DPP10: variants seen among roughly 807,000 people sequenced by gnomAD.
DPP10 encodes dipeptidyl peptidase like 10.
Under a neutral mutation model 120.9 loss-of-function variants are expected in DPP10, and 33 were observed. The observed-to-expected ratio is 0.27, with a 90% confidence interval of 0.21 to 0.37. The LOEUF is 0.37. Ranked by LOEUF, DPP10 falls within the 10% of genes least tolerant of loss-of-function variation. The pLI is 1.00. For synonymous variants in DPP10, 337 were observed against 326.1 expected (o/e 1.03, Z -0.36); for missense variants, 816 against 942.8 (o/e 0.87, Z 1.76).
chr2:115,610,778 C>T (rs2084043964), intron 5 of DPP10, among the ~76,000 whole-genome samples: 1 of 152,086 alleles, frequency 6.6e-6, no homozygotes, highest in Non-Finnish European at 1.5e-5. Flanking sequence ...TCTCCAGTAC[C>T]ACTACCTTGG....
At chr2:115,050,953 T>C (rs1425548671) in intron 1 of DPP10, among the ~76,000 whole-genome samples, 1 of 152,196 alleles carries the variant, frequency 6.6e-6, no homozygotes, top group African/African-American at 2.4e-5. Context: ...CTTTATGATA[T>C]TAATTCAGAA....
intron 3 of DPP10, among the ~76,000 whole-genome samples, chr2:115,491,444 C>G (rs1367361698): frequency 6.6e-6 from 1 of 152,090 alleles, no homozygotes; most frequent in South Asian, 2.1e-4. Flanking sequence ...CTTTCTCTTA[C>G]AGACTGTGAG....
At chr2:115,253,603 C>T (rs2058845959) in intron 1 of DPP10, among the ~76,000 whole-genome samples, 1 of 152,142 alleles carries the variant, frequency 6.6e-6, no homozygotes, top group Non-Finnish European at 1.5e-5. Flanking sequence ...AAGAAAGGGG[C>T]CCTAGGTCCC....
rs527963991 is a variant in DPP10, at chr2:115,144,035, G to GTACA, written c.61-165203_61-165200dup. 8.1e-4 allele frequency: 124 copies of GTACA among 152,280 alleles called. 1 individual carries two copies. The highest frequency in any genetic ancestry group is 2.9e-3 in the African/African-American group (119 of 41,552). 9.4% of individuals were successfully genotyped at this position (152,280 alleles called of 1,614,324 possible). On this transcript the variant is annotated intron_variant, in intron 1 of 25. Transcript: ENST00000410059. ...TATATCGGATAATCATAAGGGCTGT[G>GTACA]TACACCATAGGATGGAATTCACTTG...
At chr2:115,492,323 G>A (rs922682388) in intron 3 of DPP10, among the ~76,000 whole-genome samples, 5 of 152,160 alleles carry the variant, frequency 3.3e-5, no homozygotes, top group Non-Finnish European at 7.4e-5. Flanking sequence ...CATATGGAAA[G>A]AGAAAAGCAA....
chr2:114,562,461 T>C (rs1203837596), intron 1 of DPP10, among the ~76,000 whole-genome samples: 1 of 152,230 alleles, frequency 6.6e-6, no homozygotes, highest in African/African-American at 2.4e-5. Flanking sequence ...TCAATAGATA[T>C]ACATTATCGA....
chr2:115,707,187 A>C (rs2149554748), intron 7 of DPP10, among the ~76,000 whole-genome samples: 1 of 152,070 alleles, frequency 6.6e-6, no homozygotes, highest in South Asian at 2.1e-4. Context: ...ACAGTAAAAC[A>C]TGAAAAAAGT....
chr2:115,661,664 T>G (rs945624618), intron 5 of DPP10, among the ~76,000 whole-genome samples: 1 of 152,106 alleles, frequency 6.6e-6, no homozygotes, highest in African/African-American at 2.4e-5. Context: ...CTGATCTGGG[T>G]TTTTTAGTTC....
rs917958230 is a variant in DPP10 at position 115,829,281 on chromosome 2, C to T, written c.1951-6876C>T. On this transcript the variant is annotated intron_variant, in intron 21 of 25. Transcript: ENST00000410059. ...AAATAGCTAGCCAGTTTCCTAGCTC[C>T]GTTGGTTGACTAAATCAACATCATT... Among the ~76,000 whole-genome samples, 3 of 152,040 alleles carry T rather than the reference C, an allele frequency of 2.0e-5. No individual in the cohort carries two copies. In the East Asian group the frequency reaches 5.8e-4, roughly 29 times the overall value.
chr2:114,907,003 A>C (rs889090603), intron 1 of DPP10, among the ~76,000 whole-genome samples: 1 of 152,142 alleles, frequency 6.6e-6, no homozygotes, highest in African/African-American at 2.4e-5. Context: ...TGTATTCCCT[A>C]TGATTTGTTT....
intron 17 of DPP10, among the ~76,000 whole-genome samples, chr2:115,788,170 A>G (rs1038736894): frequency 6.6e-6 from 1 of 152,160 alleles, no homozygotes; most frequent in Non-Finnish European, 1.5e-5. Context: ...TTTACGTGTA[A>G]CTACAGCTGT....
At chr2:114,951,814 C>A (rs961927513) in intron 1 of DPP10, among the ~76,000 whole-genome samples, 6 of 152,018 alleles carry the variant, frequency 3.9e-5, no homozygotes, top group Non-Finnish European at 7.4e-5. Flanking sequence ...CTTCCTCTAC[C>A]TATTCTGTCT....
intron 1 of DPP10, among the ~76,000 whole-genome samples, chr2:115,124,985 TAA>T (rs1476873605): frequency 1.3e-5 from 2 of 152,210 alleles, no homozygotes; most frequent in African/African-American, 2.4e-5. Flanking sequence ...CTTTTACAAA[TAA>T]AACCAGACTC....
chr2:115,116,921 G>A (rs769243014), intron 1 of DPP10, among the ~76,000 whole-genome samples: 8 of 151,986 alleles, frequency 5.3e-5, no homozygotes, highest in Non-Finnish European at 1.0e-4. Context: ...CAGATTTCTT[G>A]TGCACAAAGA....
chr2:114,862,288 A>T (rs1193161195), intron 1 of DPP10, among the ~76,000 whole-genome samples: 1 of 152,190 alleles, frequency 6.6e-6, no homozygotes, highest in Non-Finnish European at 1.5e-5. Flanking sequence ...AAAAAAAATA[A>T]AAAAGGACTG....
chr2:114,567,655 T>A (rs776638003), intron 1 of DPP10, among the ~76,000 whole-genome samples: 1 of 152,186 alleles, frequency 6.6e-6, no homozygotes, highest in Admixed American at 6.5e-5. Flanking sequence ...GGTTTCTACA[T>A]TAGTAGTAAT....
intron 1 of DPP10, among the ~76,000 whole-genome samples, chr2:115,078,633 G>A (rs751671967): frequency 2.0e-5 from 3 of 152,120 alleles, no homozygotes; most frequent in African/African-American, 7.2e-5. Context: ...TTAGAATTAC[G>A]TTTCAAAATT....
chr2:115,746,390 A>G (rs532597983), intron 10 of DPP10, among the ~76,000 whole-genome samples: 2 of 152,310 alleles, frequency 1.3e-5, no homozygotes, highest in South Asian at 2.1e-4. Flanking sequence ...TATCAGCACC[A>G]TACAATGACT....
chr2:114,920,722 C>G (rs1209859562), intron 1 of DPP10, among the ~76,000 whole-genome samples: 1 of 152,024 alleles, frequency 6.6e-6, no homozygotes, highest in Non-Finnish European at 1.5e-5. Context: ...AAATGGAAAC[C>G]CTACCATATT....
Sources: gnomAD v4.1 joint callset for allele counts (sites outside exome capture counted in the v4.1 genomes callset) on GRCh38, gnomAD v4.1.1 for gene constraint, MANE v1.5 for transcripts, NCBI Gene and HGNC (gene_info 2026-07-23, HGNC 2026-07-21) for gene names.